The following HOOK3 variants were observed in gnomAD, a reference collection of about 807,000 sequenced individuals.
HOOK3 encodes hook microtubule tethering protein 3, also known as protein Hook homolog 3.
In HOOK3, 24 loss-of-function variants were observed where a neutral mutation model predicts 116.3. That is an observed-to-expected ratio of 0.21 (90% CI 0.15 to 0.29). The LOEUF (loss-of-function observed/expected upper bound fraction) is 0.29, where lower values mean the gene tolerates loss of function less well. HOOK3 is among the 10% of genes least tolerant of loss of function. The pLI is 1.00. For missense variants in HOOK3, 632 were observed against 830.2 expected (o/e 0.76, Z 2.93); for synonymous variants, 275 against 283.0 (o/e 0.97, Z 0.28).
chr8:42,962,303 G>A (rs1173518517), intron 8 of HOOK3, among the ~76,000 whole-genome samples: 1 of 114,760 alleles, frequency 8.7e-6, no homozygotes, highest in South Asian at 2.7e-4. Flanking sequence ...GTCTTGTTAT[G>A]CTACCCAGGC....
chr8:43,010,246 A>G (rs1809578426), intron 18 of HOOK3, 59 bp from the exon 19 acceptor site: 2 of 342,174 alleles, frequency 5.8e-6, no homozygotes, highest in Non-Finnish European at 9.4e-6. Context: ...ATTTATTTAT[A>G]TTATAACAAT....
chr8:42,980,516 T>C (rs1209484135), intron 13 of HOOK3, among the ~76,000 whole-genome samples: 1 of 152,122 alleles, frequency 6.6e-6, no homozygotes, highest in Non-Finnish European at 1.5e-5. Flanking sequence ...GACTCTGCCC[T>C]CAGGGATGGA....
chr8:42,974,806 C>T (rs1032314119), intron 13 of HOOK3, among the ~76,000 whole-genome samples: 2 of 152,146 alleles, frequency 1.3e-5, no homozygotes, highest in Non-Finnish European at 2.9e-5. Context: ...AGAAAATGGC[C>T]AAACCCAGAC....
At chr8:42,921,827 G>A (rs1427162363) in intron 2 of HOOK3, among the ~76,000 whole-genome samples, 1 of 152,154 alleles carries the variant, frequency 6.6e-6, no homozygotes, top group East Asian at 1.9e-4. Context: ...GGAAAAGGCT[G>A]GTGTATGGAG....
At chr8:43,015,730 A>G (rs979805387) in intron 21 of HOOK3, among the ~76,000 whole-genome samples, 6 of 151,772 alleles carry the variant, frequency 4.0e-5, no homozygotes, top group Non-Finnish European at 7.4e-5. Flanking sequence ...TACTATTATT[A>G]TTTTTTGAGA....
At chr8:42,980,154 A>G (rs764978056) in intron 13 of HOOK3, among the ~76,000 whole-genome samples, 10 of 151,464 alleles carry the variant, frequency 6.6e-5, no homozygotes, top group Non-Finnish European at 1.3e-4. Context: ...AGTAGAGACC[A>G]TGTTGGCCAG....
rs1359773212 is a variant in HOOK3 at position 43,026,250 on chromosome 8, TTTAG to T, written c.*7754_*7757del. On this transcript the variant is annotated 3_prime_UTR_variant, in exon 22 of 22. Transcript: ENST00000307602. ...TACATTCTATAGTGTGTGTATTTTA[TTTAG>T]TGTCTTAATATATAGTCTTTATATA... The T allele has an allele frequency of 5.0e-6, 1 of 198,952 alleles. No homozygotes were observed. The highest frequency in any genetic ancestry group is 2.3e-5 in the African/African-American group (1 of 43,452). 12.3% of individuals were successfully genotyped at this position (198,952 alleles called of 1,614,324 possible). A position where few individuals can be genotyped will look rare whatever the true frequency, so the allele number is the denominator to read the frequency against.
intron 1 of HOOK3, among the ~76,000 whole-genome samples, chr8:42,901,124 T>A (rs1172611919): frequency 2.0e-5 from 3 of 152,210 alleles, no homozygotes; most frequent in Non-Finnish European, 2.9e-5. Context: ...GCCAAAAATG[T>A]CTCCTCGGGA....
At chr8:42,960,307 CA>C (rs1790059503) in intron 8 of HOOK3, among the ~76,000 whole-genome samples, 1 of 152,114 alleles carries the variant, frequency 6.6e-6, no homozygotes, top group South Asian at 2.1e-4. Flanking sequence ...AAAACATTTA[CA>C]GTATGGTCCT....
rs548351121 is a variant in HOOK3 at position 42,974,530 on chromosome 8, C to T, written c.1321+336C>T. Among the ~76,000 whole-genome samples, 37 of 152,354 alleles carry T rather than the reference C, an allele frequency of 2.4e-4. No individual in the cohort carries two copies. The East Asian group carries it at 5.0e-3, about 21-fold the overall frequency. On this transcript the variant is annotated intron_variant, in intron 13 of 21. Transcript: ENST00000307602. ...CTGGGATTATAGGCGTGAGCCACCACGCCCAGCCAGATGATTTATTTCTAG... is the reference window on the plus strand; with the variant it reads ...CTGGGATTATAGGCGTGAGCCACCATGCCCAGCCAGATGATTTATTTCTAG...
chr8:42,940,577 C>A (rs574285978), intron 4 of HOOK3, among the ~76,000 whole-genome samples: 42 of 152,244 alleles, frequency 2.8e-4, no homozygotes, highest in African/African-American at 8.9e-4. Flanking sequence ...AATATTAGCT[C>A]CCACTCTCTT....
intron 6 of HOOK3, among the ~76,000 whole-genome samples, chr8:42,956,266 T>G (rs911831949): frequency 2.4e-5 from 3 of 123,668 alleles, no homozygotes; most frequent in Admixed American, 7.7e-5. Flanking sequence ...GTGTGTGTGT[T>G]ATCATTAAAC....
chr8:42,997,531 A>C lies in HOOK3; in HGVS notation c.1533-19A>C. Reference sequence around the variant, plus strand: ...ACGTAACTCACCACTTGGAAAATTAATGTACATTTCATTTCTAGGCTGGTG... The same window carrying C: ...ACGTAACTCACCACTTGGAAAATTACTGTACATTTCATTTCTAGGCTGGTG... On this transcript the variant is annotated intron_variant, in intron 15 of 21. Coordinates refer to ENST00000307602, the MANE Select transcript of HOOK3 (RefSeq NM_032410.4). 1 of 1,517,752 alleles carries C rather than the reference A, an allele frequency of 6.6e-7. No homozygotes were observed. Among genetic ancestry groups the C allele is most frequent in the Non-Finnish European group, 9.1e-7 (1 of 1,101,678 alleles). 94.0% of individuals were successfully genotyped at this position (1,517,752 alleles called of 1,614,324 possible). A position where few individuals can be genotyped will look rare whatever the true frequency, so the allele number is the denominator to read the frequency against.
chr8:42,928,898 C>G (rs1161584371), intron 3 of HOOK3, among the ~76,000 whole-genome samples: 1 of 151,990 alleles, frequency 6.6e-6, no homozygotes, highest in East Asian at 1.9e-4. Context: ...AAAAATTAGC[C>G]AGGTGTGGTG....
intron 21 of HOOK3, among the ~76,000 whole-genome samples, chr8:43,014,285 GAAAAAA>G (rs1195987584): frequency 4.5e-5 from 3 of 66,696 alleles, no homozygotes; most frequent in East Asian, 5.1e-4. Context: ...GACTGTCTCA[GAAAAAA>G]AAAAAAAAAA....
intron 4 of HOOK3, among the ~76,000 whole-genome samples, chr8:42,940,990 G>A (rs908798059): frequency 2.0e-5 from 3 of 151,618 alleles, no homozygotes; most frequent in Non-Finnish European, 4.4e-5. Context: ...CATCCAGGCC[G>A]GAGTGAGTGC....
rs2130497416 is a variant in HOOK3 at position 43,018,835 on chromosome 8, T to C, written c.*337T>C. 4.0e-6 allele frequency: 1 copy of C among 248,488 alleles called. No individual in the cohort carries two copies. The highest frequency in any genetic ancestry group is 2.2e-5 in the African/African-American group (1 of 45,896). The allele number at this position is 248,488 out of a possible 1,614,324, so 15.4% of individuals were successfully genotyped here. ...ATGAATTAGATTTTCTGCCAATAAT[T>C]GATATACAATTTATATTCTTTATTG... On this transcript the variant is annotated 3_prime_UTR_variant, in exon 22 of 22. Coordinates refer to ENST00000307602, the MANE Select transcript of HOOK3 (RefSeq NM_032410.4).
chr8:42,924,636 G>T (rs1807727483), intron 2 of HOOK3, among the ~76,000 whole-genome samples: 1 of 152,058 alleles, frequency 6.6e-6, no homozygotes, highest in Admixed American at 6.5e-5. Context: ...AATATTAACT[G>T]AAAAAGTTAT....
At position 43,030,348 on chromosome 8, in the gene HOOK3, C is replaced by A. The variant is rs1810008243; in HGVS notation, c.*11850C>A. On this transcript the variant is annotated 3_prime_UTR_variant, in exon 22 of 22. Coordinates refer to ENST00000307602, the MANE Select transcript of HOOK3 (RefSeq NM_032410.4). ...TTTACTCATTTTAATTTTACGACTGCCAACTTGTTACGGTATTAATTATAT... is the reference window on the plus strand; with the variant it reads ...TTTACTCATTTTAATTTTACGACTGACAACTTGTTACGGTATTAATTATAT... 5.5e-6 allele frequency: 1 copy of A among 182,324 alleles called. No individual in the cohort carries two copies. The highest frequency in any genetic ancestry group is 6.3e-5 in the Admixed American group (1 of 15,950). The allele number at this position is 182,324 out of a possible 1,614,324, so 11.3% of individuals were successfully genotyped here.
Sources: gnomAD v4.1 joint callset for allele counts (sites outside exome capture counted in the v4.1 genomes callset) on GRCh38, gnomAD v4.1.1 for gene constraint, MANE v1.5 for transcripts, NCBI Gene and HGNC (gene_info 2026-07-23, HGNC 2026-07-21) for gene names.